The following FBXW11 variants were observed in gnomAD, a reference collection of about 807,000 sequenced individuals.
FBXW11 encodes F-box and WD repeat domain containing 11, also known as F-box/WD repeat-containing protein 11.
FBXW11 carries 19 observed loss-of-function variants against 77.6 expected under a neutral mutation model. The ratio of observed to expected loss-of-function variants is 0.24; its 90% CI spans 0.17 to 0.36. The LOEUF (loss-of-function observed/expected upper bound fraction) is 0.36. Among genes scored for constraint, FBXW11 ranks in the 10% least tolerant of loss-of-function variants. FBXW11 has a pLI of 1.00. For synonymous variants in FBXW11, 235 were observed against 249.4 expected (o/e 0.94, Z 0.54); for missense variants, 334 against 704.2 (o/e 0.47, Z 5.95).
intron 4 of FBXW11, among the ~76,000 whole-genome samples, chr5:171,908,230 G>A (rs1351889846): frequency 1.3e-5 from 2 of 152,118 alleles, no homozygotes; most frequent in Non-Finnish European, 2.9e-5. Context: ...CCATTCACCT[G>A]TAATTCTCTC....
chr5:171,916,180 T>C (rs1314595372), intron 2 of FBXW11, among the ~76,000 whole-genome samples: 1 of 148,104 alleles, frequency 6.8e-6, no homozygotes, highest in Non-Finnish European at 1.5e-5. Flanking sequence ...ATGGCACATG[T>C]ATACATATGT....
chr5:171,948,892 T>C (rs116650716), intron 2 of FBXW11, among the ~76,000 whole-genome samples: 311 of 152,374 alleles, frequency 2.0e-3, no homozygotes, highest in African/African-American at 6.4e-3. Context: ...CATTCTCCCA[T>C]AGCACAGGCT....
chr5:171,945,409 G>A (rs188313354), intron 2 of FBXW11, among the ~76,000 whole-genome samples: 11 of 152,288 alleles, frequency 7.2e-5, no homozygotes, highest in African/African-American at 2.4e-4. Flanking sequence ...GGTTTGAATC[G>A]TGGCTCCACT....
intron 2 of FBXW11, among the ~76,000 whole-genome samples, chr5:171,924,667 G>A (rs972286705): frequency 2.0e-5 from 3 of 152,110 alleles, no homozygotes; most frequent in South Asian, 2.1e-4. Context: ...CCGCATGACA[G>A]GAAGCAGCCA....
chr5:171,873,068 GA>G, intron 9 of FBXW11, 78 bp from the exon 10 acceptor site: 1 of 1,219,614 alleles, frequency 8.2e-7, no homozygotes, highest in South Asian at 1.3e-5. Context: ...TAAAAAGACA[GA>G]GCTTCTGATA....
rs376212756 is a variant in FBXW11 at position 171,895,370 on chromosome 5, T to G, written c.714+3634A>C. 7.9e-5 allele frequency among the ~76,000 whole-genome samples: 12 copies of G among 152,254 alleles called. No individual in the cohort carries two copies. In the East Asian group the frequency reaches 1.2e-3, roughly 15 times the overall value. ...TTATTTTTAGAAGCCTAAACACAAC[T>G]GGGTGGGTGGGCAAGTTTTGACATT... is the stretch of plus-strand genomic sequence containing the variant. On this transcript the variant is annotated intron_variant, in intron 6 of 13. Coordinates refer to ENST00000517395, the MANE Select transcript of FBXW11 (RefSeq NM_001378974.1).
chr5:171,941,210 T>C (rs1762737813), intron 2 of FBXW11, among the ~76,000 whole-genome samples: 1 of 152,302 alleles, frequency 6.6e-6, no homozygotes, highest in East Asian at 1.9e-4. Context: ...GAAATCAATA[T>C]TATGTACTAC....
At chr5:171,978,415 G>GGAC (rs1218025517) in intron 1 of FBXW11, among the ~76,000 whole-genome samples, 8 of 152,262 alleles carry the variant, frequency 5.3e-5, no homozygotes, top group Admixed American at 5.2e-4. Flanking sequence ...GGAAAAAACT[G>GGAC]GACGAGAAAT....
chr5:172,000,548 T>C (rs1400840901), intron 1 of FBXW11, among the ~76,000 whole-genome samples: 4 of 152,244 alleles, frequency 2.6e-5, no homozygotes, highest in South Asian at 2.1e-4. Flanking sequence ...GTTAGTCTTC[T>C]GTAAAGCCTC....
chr5:171,927,056 G>C (rs553430117), intron 2 of FBXW11, among the ~76,000 whole-genome samples: 1 of 152,088 alleles, frequency 6.6e-6, no homozygotes, highest in African/African-American at 2.4e-5. Context: ...GAAGATCTAA[G>C]TGTAAAAGAC....
intron 6 of FBXW11, among the ~76,000 whole-genome samples, chr5:171,892,241 A>G (rs1759399052): frequency 6.6e-6 from 1 of 152,212 alleles, no homozygotes; most frequent in Non-Finnish European, 1.5e-5. Flanking sequence ...GCATTCAGGG[A>G]GGCACCACTC....
rs1760326099 is a variant in FBXW11, at chr5:171,904,260, A to ACT, written c.437-4162_437-4161dup. Among the ~76,000 whole-genome samples, 1 of 152,120 alleles carries ACT rather than the reference A, an allele frequency of 6.6e-6. No individual in the cohort carries two copies. The highest frequency in any genetic ancestry group is 2.4e-5 in the African/African-American group (1 of 41,418). The stretch of plus-strand genomic sequence containing the variant: ...CAGTAAGTGGAGATCATGCCACTGC[A>ACT]CTCTAGCCTGGGTTACAGTGCAAGA... On this transcript the variant is annotated intron_variant, in intron 4 of 13. Coordinates refer to ENST00000517395, the MANE Select transcript of FBXW11 (RefSeq NM_001378974.1). This position sits in a 1 kb window ranked among gnomAD's most constrained non-coding sequence, Gnocchi z 4.0.
chr5:171,893,433 A>C (rs1305021550), intron 6 of FBXW11, among the ~76,000 whole-genome samples: 1 of 146,492 alleles, frequency 6.8e-6, no homozygotes. Context: ...AAAAAAAAAA[A>C]AAAAAAAAAA....
intron 2 of FBXW11, among the ~76,000 whole-genome samples, chr5:171,940,854 T>C (rs1762713528): frequency 1.4e-5 from 2 of 146,142 alleles, no homozygotes; most frequent in South Asian, 4.4e-4. Flanking sequence ...ACCACTGCAC[T>C]CCAGCCTGGC....
intron 1 of FBXW11, among the ~76,000 whole-genome samples, chr5:171,992,520 G>A (rs182197183): frequency 1.7e-3 from 255 of 151,478 alleles, no homozygotes; most frequent in African/African-American, 6.0e-3. Flanking sequence ...GAAAGAGAAA[G>A]AGAAAAAGAA....
chr5:171,931,343 A>G (rs968208972), intron 2 of FBXW11, among the ~76,000 whole-genome samples: 1 of 152,256 alleles, frequency 6.6e-6, no homozygotes, highest in African/African-American at 2.4e-5. Flanking sequence ...AACAGAATAC[A>G]GAGCTAGGTC....
intron 6 of FBXW11, among the ~76,000 whole-genome samples, chr5:171,898,640 T>C (rs1318430577): frequency 6.6e-6 from 1 of 152,172 alleles, no homozygotes; most frequent in East Asian, 1.9e-4. Context: ...GTGCCTTCTC[T>C]AGTTCTCTAG....
chr5:171,978,514 G>C (rs1273953049), intron 1 of FBXW11, among the ~76,000 whole-genome samples: 3 of 152,250 alleles, frequency 2.0e-5, no homozygotes, highest in Non-Finnish European at 4.4e-5. Flanking sequence ...GCAAAGGCTA[G>C]TAGTAGGAGT....
At chr5:171,895,809 TAAC>T (rs990510240) in intron 6 of FBXW11, among the ~76,000 whole-genome samples, 6 of 148,374 alleles carry the variant, frequency 4.0e-5, no homozygotes, top group East Asian at 1.9e-4. Flanking sequence ...CCATTAATGG[TAAC>T]AACAACAATA....
Sources: allele counts gnomAD v4.1 joint callset (sites outside exome capture counted in the v4.1 genomes callset), GRCh38; gene constraint gnomAD v4.1.1; non-coding constraint Gnocchi (gnomAD v3.1); transcripts MANE v1.5; gene names NCBI Gene and HGNC (gene_info 2026-07-23, HGNC 2026-07-21).